Variants in MAP6D1 observed in about 807,000 individuals in gnomAD.
The protein encoded by MAP6D1 is MAP6 domain-containing protein 1.
In MAP6D1, 13 loss-of-function variants were observed where a neutral mutation model predicts 17.4. That is an observed-to-expected ratio of 0.75 (90% CI 0.49 to 1.19). The LOEUF is 1.19. Ranked by LOEUF, MAP6D1 falls within the 50% of genes most tolerant of loss-of-function variation. The pLI, the probability that MAP6D1 is intolerant of heterozygous loss-of-function variation, is 0.00. For synonymous variants in MAP6D1, 141 were observed against 145.7 expected (o/e 0.97, Z 0.23); for missense variants, 313 against 312.6 (o/e 1.00, Z -0.01).
At chr3:183,825,077 T>C in intron 1 of MAP6D1, 70 bp downstream of exon 1, 1 of 1,287,982 alleles carries the variant, frequency 7.8e-7, no homozygotes, top group Non-Finnish European at 9.9e-7. Context: ...ACCCCATCCC[T>C]CTGGCTCCGG....
At position 183,822,955 on chromosome 3, in the gene MAP6D1, T is replaced by C. The variant is rs1124077; in HGVS notation, c.401+2192A>G. On this transcript the variant is annotated intron_variant, in intron 1 of 2. Coordinates refer to ENST00000318631, the MANE Select transcript of MAP6D1 (RefSeq NM_024871.4). ...TGCCCATGGAGCGAGCTGACTTGCA[T>C]GGCGCTGGGCTCCTCTTTACTAGGG... 9.8e-5 allele frequency among the ~76,000 whole-genome samples: 15 copies of C among 152,340 alleles called. No homozygotes were observed. In the South Asian group the frequency reaches 2.5e-3, roughly 25 times the overall value.
At chr3:183,825,116 G>A in intron 1 of MAP6D1, 31 bp downstream of exon 1, 2 of 1,364,078 alleles carry the variant, frequency 1.5e-6, no homozygotes, top group Non-Finnish European at 1.9e-6. Context: ...CACAGGGTGG[G>A]GACTCGTTGC....
intron 1 of MAP6D1, among the ~76,000 whole-genome samples, chr3:183,821,726 T>G (rs2108563248): frequency 6.6e-6 from 1 of 151,806 alleles, no homozygotes. Context: ...TTAGTAGAGA[T>G]GGGGTTTCAC....
intron 1 of MAP6D1, among the ~76,000 whole-genome samples, chr3:183,820,956 G>A (rs1360569415): frequency 3.5e-5 from 5 of 143,994 alleles, no homozygotes; most frequent in South Asian, 2.3e-4. Flanking sequence ...TTAGCTGGGT[G>A]TGGTGGTGGG....
In MAP6D1 at chr3:183,825,419, C is replaced by G; in HGVS notation, c.129G>C (p.Thr43=). The G allele has an allele frequency of 2.1e-6, 3 of 1,439,136 alleles. No individual in the cohort carries two copies. Among genetic ancestry groups the G allele is most frequent in the East Asian group, 3.1e-5 (1 of 32,602 alleles). 89.1% of individuals were successfully genotyped at this position (1,439,136 alleles called of 1,614,324 possible). A position where few individuals can be genotyped will look rare whatever the true frequency, so the allele number is the denominator to read the frequency against. ...GGCCCCTGCGCGAGGCGGCGCCGCC[C>G]GTGCCCGGCTCCTCGCTGTCGAGGT... ...YSDLDSEEPG[T]GGAASRRGQP... The change falls in exon 1 of 3, where the codon ACG becomes ACC. Residue 43 remains threonine, a synonymous_variant. Coordinates refer to ENST00000318631, the MANE Select transcript of MAP6D1 (RefSeq NM_024871.4).
intron 1 of MAP6D1, among the ~76,000 whole-genome samples, chr3:183,819,812 T>C (rs1727204617): frequency 6.6e-6 from 1 of 152,266 alleles, no homozygotes; most frequent in Non-Finnish European, 1.5e-5. Flanking sequence ...CTGACCCATG[T>C]GCCTGAGGCT....
Position 183,817,183 on chromosome 3 carries a change from C to A in MAP6D1, c.*173G>T, listed in dbSNP as rs867958101. Reference sequence around the variant, plus strand: ...TGAGGCTGAGCTGGGTGTGCCAAGTCCATCGGTGCATCTGCTCCACACCAG... The same window carrying A: ...TGAGGCTGAGCTGGGTGTGCCAAGTACATCGGTGCATCTGCTCCACACCAG... On this transcript the variant is annotated 3_prime_UTR_variant, in exon 3 of 3. Transcript: ENST00000318631. 5.1e-4 allele frequency: 320 copies of A among 624,060 alleles called. 2 individuals carry two copies. Among genetic ancestry groups the A allele is most frequent in the Middle Eastern group, 3.0e-3 (7 of 2,330 alleles). The allele number at this position is 624,060 out of a possible 1,614,324, so 38.7% of individuals were successfully genotyped here.
In MAP6D1 at chr3:183,825,256, C is replaced by A; in HGVS notation, c.292G>T (p.Gly98Cys). 2 of 1,352,426 alleles carry A rather than the reference C, an allele frequency of 1.5e-6. No homozygotes were observed. Among genetic ancestry groups the A allele is most frequent in the Non-Finnish European group, 1.9e-6 (2 of 1,054,080 alleles). The allele number at this position is 1,352,426 out of a possible 1,614,324, so 83.8% of individuals were successfully genotyped here. A position where few individuals can be genotyped will look rare whatever the true frequency, so the allele number is the denominator to read the frequency against. Reference sequence around the variant, plus strand: ...GCGGAGGACTGCGCGGAGGATTTGCCCCTGCGGCCGCCCGCCCCCGGTCCG... The same window carrying A: ...GCGGAGGACTGCGCGGAGGATTTGCACCTGCGGCCGCCCGCCCCCGGTCCG... ...GRGPGAGGRR[G>C]KSSAQSSAPP... Residue 98 changes from glycine to cysteine, a missense_variant, in exon 1 of 3, where the codon GGC becomes TGC. Gly to Cys is a radical substitution (Grantham distance 159, BLOSUM62 -3). Transcript: ENST00000318631.
Position 183,825,240 on chromosome 3 carries a change from T to C in MAP6D1, c.308A>G (p.Gln103Arg). Reference sequence around the variant, plus strand: ...GCCGGGCGCAGGTGGCGCGGAGGACTGCGCGGAGGATTTGCCCCTGCGGCC... The same window carrying C: ...GCCGGGCGCAGGTGGCGCGGAGGACCGCGCGGAGGATTTGCCCCTGCGGCC... ...AGGRRGKSSA[Q>R]SSAPPAPGAR... The change falls in exon 1 of 3, where the codon CAG (glutamine) becomes CGG (arginine). Residue 103 changes from glutamine (Q) to arginine (R), a missense_variant. Coordinates refer to ENST00000318631, the MANE Select transcript of MAP6D1 (RefSeq NM_024871.4). The C allele has an allele frequency of 7.2e-7, 1 of 1,382,954 alleles. No individual in the cohort carries two copies. Among genetic ancestry groups the C allele is most frequent in the Non-Finnish European group, 9.4e-7 (1 of 1,068,396 alleles). The allele number at this position is 1,382,954 out of a possible 1,614,324, so 85.7% of individuals were successfully genotyped here.
At chr3:183,819,622 A>G (rs1385949768) in intron 1 of MAP6D1, among the ~76,000 whole-genome samples, 4 of 152,246 alleles carry the variant, frequency 2.6e-5, no homozygotes, top group African/African-American at 9.6e-5. Flanking sequence ...CTCATGGCTC[A>G]GGCCAAGATT....
At position 183,817,571 on chromosome 3, in the gene MAP6D1, G is replaced by A. The variant is rs1727147436; in HGVS notation, c.520-135C>T. The A allele has an allele frequency of 6.6e-6, 5 of 760,708 alleles. No homozygotes were observed. The African/African-American group carries it at 8.8e-5, about 13-fold the overall frequency. The allele number at this position is 760,708 out of a possible 1,614,324, so 47.1% of individuals were successfully genotyped here. A position where few individuals can be genotyped will look rare whatever the true frequency, so the allele number is the denominator to read the frequency against. On this transcript the variant is annotated intron_variant, in intron 2 of 2. Transcript: ENST00000318631. ...GGAGTTGAGACCTGAAGGGTCAGAG[G>A]GGACTTGCCCACCGTGAGCCATAGG...
In MAP6D1 at chr3:183,818,055, G is replaced by T. The variant is rs1727160859; in HGVS notation, c.458C>A (p.Pro153Gln). ...VKPSRSTKTK[P>Q]ARVITTHTSG... Reference sequence around the variant, plus strand: ...AGTGTGGGTTGTGATGACTCGGGCTGGTTTTGTCTTTGTGGATCTTGAGGG... The same window carrying T: ...AGTGTGGGTTGTGATGACTCGGGCTTGTTTTGTCTTTGTGGATCTTGAGGG... Residue 153 changes from proline to glutamine, a missense_variant, in exon 2 of 3, where the codon CCA (proline) becomes CAA (glutamine). By Grantham distance (76) the Pro-to-Gln change is moderately conservative. Transcript: ENST00000318631. 3.1e-6 allele frequency: 5 copies of T among 1,614,044 alleles called. No individual in the cohort carries two copies. The highest frequency in any genetic ancestry group is 4.2e-6 in the Non-Finnish European group (5 of 1,180,028).
rs1727381139 is a variant in MAP6D1 at position 183,825,553 on chromosome 3, C to CCCCGGCG, written c.-13_-7dup. ...CTGATACAGGGCCACGCCATGCCAG[C>CCCCGGCG]CCCGGCGCCCGCCGCCCCGCTCCCG... is the stretch of plus-strand genomic sequence containing the variant. On this transcript the variant is annotated 5_prime_UTR_variant, in exon 1 of 3. Transcript: ENST00000318631. 4.1e-6 allele frequency: 5 copies of CCCCGGCG among 1,213,034 alleles called. No homozygotes were observed. The highest frequency in any genetic ancestry group is 3.4e-5 in the East Asian group (1 of 29,434). 75.1% of individuals were successfully genotyped at this position (1,213,034 alleles called of 1,614,324 possible). A position where few individuals can be genotyped will look rare whatever the true frequency, so the allele number is the denominator to read the frequency against.
chr3:183,820,803 A>C (rs1358970895), intron 1 of MAP6D1, among the ~76,000 whole-genome samples: 2 of 151,936 alleles, frequency 1.3e-5, no homozygotes, highest in African/African-American at 4.8e-5. Flanking sequence ...GCTACTCGGG[A>C]GGCTGAGGCA....
chr3:183,822,648 G>C (rs989466863), intron 1 of MAP6D1, among the ~76,000 whole-genome samples: 1 of 152,180 alleles, frequency 6.6e-6, no homozygotes, highest in Non-Finnish European at 1.5e-5. Flanking sequence ...TAAGGAACTC[G>C]CTGGGGGACA....
intron 1 of MAP6D1, among the ~76,000 whole-genome samples, chr3:183,821,670 C>T (rs866599855): frequency 1.3e-5 from 2 of 151,862 alleles, no homozygotes; most frequent in African/African-American, 4.8e-5. Context: ...TTCAGCCTCC[C>T]GAGTAGCTGG....
Position 183,817,287 on chromosome 3 carries a change from C to T in MAP6D1, c.*69G>A, listed in dbSNP as rs934778895. The stretch of plus-strand genomic sequence containing the variant: ...CATGCCATGCTCTCGCCCAGCCCCG[C>T]GGCAGTGGGTCCTGAGGCCGCTCCC... On this transcript the variant is annotated 3_prime_UTR_variant, in exon 3 of 3. Coordinates refer to ENST00000318631, the MANE Select transcript of MAP6D1 (RefSeq NM_024871.4). The T allele has an allele frequency of 3.7e-5, 54 of 1,463,076 alleles. No homozygotes were observed. The Middle Eastern group carries it at 1.2e-3, about 31-fold the overall frequency. 90.6% of individuals were successfully genotyped at this position (1,463,076 alleles called of 1,614,324 possible). A position where few individuals can be genotyped will look rare whatever the true frequency, so the allele number is the denominator to read the frequency against.
At position 183,817,459 on chromosome 3, in the gene MAP6D1, A is replaced by G. The variant is rs961443711; in HGVS notation, c.520-23T>C. 8 of 1,550,010 alleles carry G rather than the reference A, an allele frequency of 5.2e-6. No homozygotes were observed. The East Asian group carries it at 9.6e-5, about 19-fold the overall frequency. ...GACCTGAAAAATGAAGTGTGGCCAC[A>G]TATCAGTGGGACTTTTCCTTAACTC... On this transcript the variant is annotated intron_variant, in intron 2 of 2. Coordinates refer to ENST00000318631, the MANE Select transcript of MAP6D1 (RefSeq NM_024871.4).
At chr3:183,817,607 T>A (rs1430907261) in intron 2 of MAP6D1, among the ~76,000 whole-genome samples, 171 bp from the exon 3 acceptor site, 2 of 152,116 alleles carry the variant, frequency 1.3e-5, no homozygotes, top group Non-Finnish European at 2.9e-5. Flanking sequence ...CGTCACTGCA[T>A]TAGCAGCTGA....
Sources: allele counts gnomAD v4.1 joint callset (sites outside exome capture counted in the v4.1 genomes callset), GRCh38; gene constraint gnomAD v4.1.1; transcripts MANE v1.5; gene names NCBI Gene and HGNC (gene_info 2026-07-23, HGNC 2026-07-21).